Variants in NUBPL observed in about 807,000 individuals in gnomAD.
NUBPL encodes the protein iron-sulfur cluster transfer protein NUBPL.
Under a neutral mutation model 45.7 loss-of-function variants are expected in NUBPL, and 31 were observed. The ratio of observed to expected loss-of-function variants is 0.68; its 90% CI spans 0.51 to 0.92. The LOEUF is 0.92. NUBPL is among the 40% of genes least tolerant of loss of function. The probability of loss-of-function intolerance (pLI) is 0.00; values close to 1 mark genes in which losing one functional copy is unlikely to be tolerated. For missense variants in NUBPL, 401 were observed against 398.7 expected (o/e 1.01, Z -0.05); for synonymous variants, 144 against 140.9 (o/e 1.02, Z -0.15).
At chr14:31,647,804 T>C (rs1452207955) in intron 4 of NUBPL, among the ~76,000 whole-genome samples, 6 of 152,210 alleles carry the variant, frequency 3.9e-5, no homozygotes, top group African/African-American at 1.2e-4. Flanking sequence ...ATTGTCCACT[T>C]TGAACTCACT....
intron 1 of NUBPL, 103 bp from the exon 2 acceptor site, chr14:31,561,965 G>T: frequency 1.8e-6 from 2 of 1,129,500 alleles, no homozygotes; most frequent in Non-Finnish European, 1.3e-6. Context: ...AATTAGAAAA[G>T]AAAGCCCTCT....
intron 4 of NUBPL, among the ~76,000 whole-genome samples, chr14:31,645,354 C>G (rs940284980): frequency 3.4e-4 from 51 of 152,186 alleles, no homozygotes; most frequent in African/African-American, 1.2e-3. Flanking sequence ...GCGTGAGCCA[C>G]TGCACCCAGC....
At chr14:31,762,116 A>G (rs750556686) in intron 6 of NUBPL, among the ~76,000 whole-genome samples, 16 of 152,200 alleles carry the variant, frequency 1.1e-4, no homozygotes, top group Admixed American at 2.0e-4. Context: ...ACAAATTTGC[A>G]GGTTCTTCAG....
chr14:31,717,841 A>G (rs2037723200), intron 6 of NUBPL, among the ~76,000 whole-genome samples: 1 of 152,094 alleles, frequency 6.6e-6, no homozygotes, highest in Non-Finnish European at 1.5e-5. Context: ...AAGTTCTGAC[A>G]TCTCTTCTCT....
At chr14:31,679,021 G>C (rs918937352) in intron 6 of NUBPL, among the ~76,000 whole-genome samples, 22 of 152,154 alleles carry the variant, frequency 1.4e-4, no homozygotes, top group African/African-American at 5.3e-4. Flanking sequence ...CTTCCTCTGT[G>C]TGCAGGCATC....
chr14:31,681,475 G>GTTT (rs34283517), intron 6 of NUBPL, among the ~76,000 whole-genome samples: 11 of 145,412 alleles, frequency 7.6e-5, no homozygotes, highest in South Asian at 4.3e-4. Context: ...AACTTTACTG[G>GTTT]TTTTTTTTTT....
At chr14:31,789,386 A>G (rs2039339764) in intron 7 of NUBPL, among the ~76,000 whole-genome samples, 1 of 152,112 alleles carries the variant, frequency 6.6e-6, no homozygotes, top group Non-Finnish European at 1.5e-5. Flanking sequence ...TTTGGTAAAT[A>G]CAACTATGGG....
At chr14:31,646,190 C>G (rs994170853) in intron 4 of NUBPL, among the ~76,000 whole-genome samples, 1 of 151,918 alleles carries the variant, frequency 6.6e-6, no homozygotes, top group African/African-American at 2.4e-5. Flanking sequence ...CCTGCCCTTC[C>G]CCCGCTTTTT....
intron 6 of NUBPL, among the ~76,000 whole-genome samples, chr14:31,722,657 G>A (rs1276949079): frequency 1.3e-5 from 2 of 152,180 alleles, no homozygotes; most frequent in Admixed American, 1.3e-4. Context: ...GTATCTCATT[G>A]TGGTTTTGAT....
At chr14:31,818,002 A>T (rs1260428594) in intron 7 of NUBPL, among the ~76,000 whole-genome samples, 2 of 152,150 alleles carry the variant, frequency 1.3e-5, no homozygotes, top group African/African-American at 4.8e-5. Context: ...AAAGGAAAAA[A>T]AGCATGGGTT....
intron 8 of NUBPL, among the ~76,000 whole-genome samples, chr14:31,843,178 G>A (rs553640552): frequency 9.2e-5 from 14 of 152,326 alleles, no homozygotes; most frequent in Non-Finnish European, 1.0e-4. Flanking sequence ...AGGACAGAGG[G>A]AAAAATAATG....
intron 10 of NUBPL, among the ~76,000 whole-genome samples, chr14:31,852,818 A>G (rs1030545194): frequency 6.6e-6 from 1 of 152,170 alleles, no homozygotes; most frequent in Non-Finnish European, 1.5e-5. Context: ...CTTGTGATGA[A>G]TCTTGCCTCC....
intron 6 of NUBPL, among the ~76,000 whole-genome samples, chr14:31,701,903 A>G (rs551699814): frequency 3.6e-4 from 55 of 152,324 alleles, no homozygotes; most frequent in Admixed American, 2.6e-3. Flanking sequence ...ATTCCCTGTG[A>G]ACAAATAGAT....
At chr14:31,846,367 A>G (rs990708263) in intron 8 of NUBPL, 104 bp from the exon 9 acceptor site, 1 of 868,296 alleles carries the variant, frequency 1.2e-6, no homozygotes, top group Non-Finnish European at 1.9e-6. Context: ...GATAACATTG[A>G]TGAGTGCCAC....
rs538753181 is a variant in NUBPL at position 31,584,918 on chromosome 14, A to G, written c.292-14371A>G. On this transcript the variant is annotated intron_variant, in intron 3 of 10. Coordinates refer to ENST00000281081, the MANE Select transcript of NUBPL (RefSeq NM_025152.3). ...GAGAGAGCTCTTTGGGGTCTCTTTT[A>G]TAATGACTCTAATCCCATTCATGAG... 6.6e-5 allele frequency among the ~76,000 whole-genome samples: 10 copies of G among 152,306 alleles called. No homozygotes were observed. In the East Asian group the frequency reaches 1.9e-3, roughly 29 times the overall value.
At chr14:31,658,656 G>A (rs975982340) in intron 4 of NUBPL, among the ~76,000 whole-genome samples, 1 of 151,986 alleles carries the variant, frequency 6.6e-6, no homozygotes, top group African/African-American at 2.4e-5. Flanking sequence ...GGGACTTCAG[G>A]CACGCGCTAC....
chr14:31,856,437 C>A (rs531598885), intron 10 of NUBPL, among the ~76,000 whole-genome samples: 1 of 152,272 alleles, frequency 6.6e-6, no homozygotes, highest in African/African-American at 2.4e-5. Context: ...CCTCCCAAAT[C>A]ACATGTCCTC....
chr14:31,830,421 A>G (rs1386256112), intron 8 of NUBPL, among the ~76,000 whole-genome samples: 2 of 152,224 alleles, frequency 1.3e-5, no homozygotes, highest in African/African-American at 2.4e-5. Flanking sequence ...CCAGGCTATC[A>G]GGGATGACTT....
chr14:31,776,309 G>A (rs961390881), intron 6 of NUBPL, among the ~76,000 whole-genome samples: 8 of 152,082 alleles, frequency 5.3e-5, no homozygotes, highest in South Asian at 2.1e-4. Context: ...CATTGCTTTC[G>A]TGGCTCCTTT....
Sources: allele counts gnomAD v4.1 joint callset (sites outside exome capture counted in the v4.1 genomes callset), GRCh38; gene constraint gnomAD v4.1.1; transcripts MANE v1.5; gene names NCBI Gene and HGNC (gene_info 2026-07-23, HGNC 2026-07-21).